The following HELZ variants were observed in gnomAD, a reference collection of about 807,000 sequenced individuals.
HELZ encodes the protein helicase with zinc finger.
Under a neutral mutation model 218.2 loss-of-function variants are expected in HELZ, and 23 were observed. That is an observed-to-expected ratio of 0.11 (90% confidence interval 0.08 to 0.15). The LOEUF (loss-of-function observed/expected upper bound fraction) is 0.15. Ranked by LOEUF, HELZ falls within the 10% of genes least tolerant of loss-of-function variation. The pLI, the probability that HELZ is intolerant of heterozygous loss-of-function variation, is 1.00. For missense variants in HELZ, 1,813 were observed against 2,353.7 expected, an observed-to-expected ratio of 0.77 and a Z score of 4.75; for synonymous variants, 814 against 829.4, an observed-to-expected ratio of 0.98 and a Z score of 0.32.
intron 15 of HELZ, among the ~76,000 whole-genome samples, chr17:67,165,899 A>C (rs904087486): frequency 2.0e-5 from 3 of 152,194 alleles, no homozygotes; most frequent in African/African-American, 7.2e-5. Context: ...TGGCAAGATA[A>C]GGCAGGAAGG....
intron 5 of HELZ, among the ~76,000 whole-genome samples, chr17:67,212,591 C>T (rs1196115632): frequency 6.6e-6 from 1 of 152,110 alleles, no homozygotes; most frequent in Admixed American, 6.6e-5. Context: ...CATGTATAAT[C>T]TTGGCCAATA....
At chr17:67,119,426 G>A (rs2143815989) in intron 27 of HELZ, among the ~76,000 whole-genome samples, 1 of 152,306 alleles carries the variant, frequency 6.6e-6, no homozygotes, top group African/African-American at 2.4e-5. Context: ...ACATACTAGA[G>A]AGTATGGGAC....
chr17:67,173,736 C>T (rs1168418707), intron 13 of HELZ, among the ~76,000 whole-genome samples: 1 of 151,970 alleles, frequency 6.6e-6, no homozygotes, highest in African/African-American at 2.4e-5. Flanking sequence ...GACCTGTCAC[C>T]AACAGAAGCA....
chr17:67,234,138 C>T (rs867343332), intron 3 of HELZ, among the ~76,000 whole-genome samples: 2 of 149,774 alleles, frequency 1.3e-5, no homozygotes, highest in Admixed American at 6.7e-5. Flanking sequence ...AGCTGGGCAA[C>T]GTGGGAGACC....
intron 21 of HELZ, among the ~76,000 whole-genome samples, chr17:67,144,556 T>C (rs945785527): frequency 1.3e-5 from 2 of 151,084 alleles, no homozygotes; most frequent in Admixed American, 6.6e-5. Flanking sequence ...CTATAGCTTA[T>C]AGGTTTCCTG....
intron 9 of HELZ, among the ~76,000 whole-genome samples, chr17:67,193,325 A>G (rs1268922213): frequency 6.7e-6 from 1 of 149,724 alleles, no homozygotes; most frequent in Non-Finnish European, 1.5e-5. Flanking sequence ...CAACTGGGCA[A>G]CAGAATGAGA....
intron 21 of HELZ, among the ~76,000 whole-genome samples, chr17:67,142,043 C>CA (rs1391723114): frequency 1.4e-5 from 2 of 147,862 alleles, no homozygotes; most frequent in Admixed American, 6.7e-5. Flanking sequence ...GACTCTGTCT[C>CA]AAAAAAAAGA....
chr17:67,134,639 T>C (rs2038090735), intron 23 of HELZ, among the ~76,000 whole-genome samples: 1 of 152,232 alleles, frequency 6.6e-6, no homozygotes, highest in African/African-American at 2.4e-5. Context: ...TAAATTCTAA[T>C]ATATGAAACT....
At chr17:67,216,465 C>T (rs1459652448) in intron 4 of HELZ, among the ~76,000 whole-genome samples, 1 of 152,140 alleles carries the variant, frequency 6.6e-6, no homozygotes, top group East Asian at 1.9e-4. Flanking sequence ...TACAGAAATA[C>T]AGTTATTTCT....
chr17:67,236,045 C>G (rs752461622), intron 3 of HELZ, among the ~76,000 whole-genome samples: 1 of 152,096 alleles, frequency 6.6e-6, no homozygotes, highest in Non-Finnish European at 1.5e-5. Context: ...CAGGCGTGAG[C>G]CACTGCACCC....
intron 31 of HELZ, among the ~76,000 whole-genome samples, chr17:67,099,722 G>A (rs1388518875): frequency 1.3e-5 from 2 of 152,108 alleles, no homozygotes; most frequent in African/African-American, 4.8e-5. Flanking sequence ...CATTTCACCT[G>A]TGTGTATATA....
chr17:67,139,940 T>C lies in HELZ; in HGVS notation c.2770-1826A>G, dbSNP rs530097825. ...TACCCAACCCCCATCTCCTGCTACA[T>C]AGGGAGTGGGACAGTGGGTGGCAGT... On this transcript the variant is annotated intron_variant, in intron 21 of 32. Transcript: ENST00000358691. Among the ~76,000 whole-genome samples the C allele has an allele frequency of 7.6e-4, 115 of 152,252 alleles. 1 individual carries two copies. In the Middle Eastern group the frequency reaches 0.01, roughly 14 times the overall value.
At chr17:67,176,061 T>C (rs937527249) in intron 13 of HELZ, among the ~76,000 whole-genome samples, 3 of 152,228 alleles carry the variant, frequency 2.0e-5, no homozygotes, top group African/African-American at 7.2e-5. Context: ...ACTAATGATG[T>C]ACCAGTTTCC....
chr17:67,198,155 T>C (rs776808043), intron 7 of HELZ, among the ~76,000 whole-genome samples: 2 of 152,166 alleles, frequency 1.3e-5, no homozygotes, highest in Non-Finnish European at 2.9e-5. Context: ...TCAAAATAAA[T>C]TTATCAAATG....
chr17:67,109,463 T>C lies in HELZ; in HGVS notation c.4142A>G (p.Asn1381Ser), dbSNP rs2143755006. The C allele has an allele frequency of 1.2e-6, 2 of 1,614,120 alleles. No individual in the cohort carries two copies. The highest frequency in any genetic ancestry group is 4.5e-5 in the East Asian group (2 of 44,880). ...TTCAGGCAAATTATTCTGCTGCTGA[T>C]TTAACAAGGTGTGCTGCTGTGGAAT... is the stretch of plus-strand genomic sequence containing the variant. ...FPIPQQHTLL[N>S]QQQNNLPEQP... The change falls in exon 29 of 33, where the codon AAT becomes AGT. Residue 1381 changes from asparagine (N) to serine (S), a missense_variant. Around this residue, in one of 4 missense-constraint regions of HELZ, gnomAD observed 938 missense variants for 1,027.5 expected, o/e 0.91. Coordinates refer to ENST00000358691, the MANE Select transcript of HELZ (RefSeq NM_014877.4).
Position 67,104,001 on chromosome 17 carries a change from T to C in HELZ, c.5241+3168A>G, listed in dbSNP as rs568247822. ...AAGACTATTCAATGGGGGAAAGGAG[T>C]CTTTTCAAAAGCGGTGCTGAGAAAA... On this transcript the variant is annotated intron_variant, in intron 31 of 32. Coordinates refer to ENST00000358691, the MANE Select transcript of HELZ (RefSeq NM_014877.4). 2.0e-5 allele frequency among the ~76,000 whole-genome samples: 3 copies of C among 151,946 alleles called. No individual in the cohort carries two copies. In the East Asian group the frequency reaches 5.8e-4, roughly 29 times the overall value.
chr17:67,183,576 T>C (rs1354560617), intron 12 of HELZ, among the ~76,000 whole-genome samples: 1 of 152,200 alleles, frequency 6.6e-6, no homozygotes, highest in Non-Finnish European at 1.5e-5. Context: ...AAATAAATGA[T>C]ATCAAGTTTC....
At chr17:67,196,862 T>C (rs1355371156) in intron 7 of HELZ, among the ~76,000 whole-genome samples, 1 of 152,176 alleles carries the variant, frequency 6.6e-6, no homozygotes, top group Non-Finnish European at 1.5e-5. Flanking sequence ...TCTTCTATCC[T>C]GCTCTGAATA....
intron 5 of HELZ, among the ~76,000 whole-genome samples, chr17:67,205,816 T>C (rs2040281902): frequency 6.6e-6 from 1 of 152,256 alleles, no homozygotes; most frequent in South Asian, 2.1e-4. Context: ...ATCTTAATAT[T>C]TGTCAAATTT....
Sources: allele counts gnomAD v4.1 joint callset (sites outside exome capture counted in the v4.1 genomes callset), GRCh38; gene constraint gnomAD v4.1.1; regional missense constraint gnomAD v4.1.1; transcripts MANE v1.5; gene names NCBI Gene and HGNC (gene_info 2026-07-23, HGNC 2026-07-21).